CCDC194: variants seen among roughly 807,000 people sequenced by gnomAD.
CCDC194 encodes coiled-coil domain-containing protein 194.
CCDC194 carries 8 observed loss-of-function variants against 4.9 expected under a neutral mutation model. The ratio of observed to expected loss-of-function variants is 1.65; its 90% CI spans 0.97 to 2.97. The LOEUF is 2.97. Ranked by LOEUF, CCDC194 falls within the 30% of genes most tolerant of loss-of-function variation. The probability of loss-of-function intolerance (pLI) is 0.00; values close to 1 mark genes in which losing one functional copy is unlikely to be tolerated. For missense variants in CCDC194, 52 were observed against 43.1 expected (o/e 1.21, Z -0.58); for synonymous variants, 13 against 17.0 (o/e 0.76, Z 0.58).
chr19:17,389,762 C>T (rs1253598345), downstream of CCDC194, among the ~76,000 whole-genome samples: 1 of 152,116 alleles, frequency 6.6e-6, no homozygotes, highest in African/African-American at 2.4e-5. Context: ...CTCAGGAGTT[C>T]GAGACCAGCC....
rs908484352 is a variant in CCDC194 at position 17,390,549 on chromosome 19, G to A, written c.665C>T (p.Ser222Phe). 2.5e-6 allele frequency: 1 copy of A among 396,604 alleles called. No individual in the cohort carries two copies. Among genetic ancestry groups the A allele is most frequent in the African/African-American group, 2.1e-5 (1 of 48,446 alleles). 24.6% of individuals were successfully genotyped at this position (396,604 alleles called of 1,614,324 possible). ...CCGCGCCGGCCGCCGGCAGCCCCCGGAGGGTCCGGAGCGAGAGCGCGAGCG... is the reference window on the plus strand; with the variant it reads ...CCGCGCCGGCCGCCGGCAGCCCCCGAAGGGTCCGGAGCGAGAGCGCGAGCG... Residue 222 changes from serine to phenylalanine, a missense_variant, in exon 4 of 4, where the codon TCC becomes TTC. Physicochemically the swap from Ser to Phe is radical, Grantham distance 155. Coordinates refer to ENST00000636079, the Ensembl canonical transcript of CCDC194. This position sits in a 1 kb window ranked among gnomAD's most constrained non-coding sequence, Gnocchi z 5.5.
rs2074650411 is a variant in CCDC194, at chr19:17,390,556, C to CGGAGCG, written c.652_657dup (p.Arg218_Ser219dup). On this transcript the variant is annotated inframe_insertion, in exon 4 of 4. Coordinates refer to ENST00000636079, the Ensembl canonical transcript of CCDC194. This position sits in a 1 kb window ranked among gnomAD's most constrained non-coding sequence, Gnocchi z 5.5. ...GGCCGCCGGCAGCCCCCGGAGGGTC[C>CGGAGCG]GGAGCGAGAGCGCGAGCGAGGGCTG... 1.0e-5 allele frequency: 4 copies of CGGAGCG among 396,968 alleles called. No individual in the cohort carries two copies. In the South Asian group the frequency reaches 3.8e-4, roughly 38 times the overall value. 24.6% of individuals were successfully genotyped at this position (396,968 alleles called of 1,614,324 possible).
rs1292723021 is a variant in CCDC194 at position 17,391,247 on chromosome 19, G to A, written c.518C>T (p.Ala173Val). The change falls in exon 3 of 4, where the codon GCC (alanine) becomes GTC (valine). Residue 173 changes from alanine (A) to valine (V), a missense_variant. Coordinates refer to ENST00000636079, the Ensembl canonical transcript of CCDC194. ...CAGCGCCGCCTCCCGGGCCGCACAGGCTTCGCCCTCGGCCTCCGCCACGCC... is the reference window on the plus strand; with the variant it reads ...CAGCGCCGCCTCCCGGGCCGCACAGACTTCGCCCTCGGCCTCCGCCACGCC... The A allele has an allele frequency of 1.7e-5, 7 of 405,968 alleles. No individual in the cohort carries two copies. The East Asian group carries it at 2.1e-4, about 12-fold the overall frequency. The allele number at this position is 405,968 out of a possible 1,614,324, so 25.1% of individuals were successfully genotyped here.
At chr19:17,393,948 G>A in exon 1 of CCDC194, 1 of 396,350 alleles carries the variant, frequency 2.5e-6, no homozygotes, top group Non-Finnish European at 4.5e-6. Flanking sequence ...GCCAGCCGGC[G>A]CCGCAGGTCG....
chr19:17,394,135 G>A, exon 1 of CCDC194: 2 of 392,260 alleles, frequency 5.1e-6, no homozygotes, highest in East Asian at 3.6e-5. Context: ...AGGCACGCCC[G>A]GGCTCCGGCC....
At chr19:17,392,244 AG>A (rs2074657457) in intron 1 of CCDC194, 3 of 157,208 alleles carry the variant, frequency 1.9e-5, no homozygotes, top group African/African-American at 7.2e-5. Flanking sequence ...AGACCGAGGC[AG>A]GCGGATCACT....
intron 2 of CCDC194, 95 bp downstream of exon 2, chr19:17,391,655 G>A: frequency 6.5e-7 from 1 of 1,533,664 alleles, no homozygotes; most frequent in Non-Finnish European, 8.7e-7. Flanking sequence ...CGTGTTATTT[G>A]CATTACGTTT....
At chr19:17,391,233 C>T (rs1411613311) in exon 3 of CCDC194, 4 of 401,460 alleles carry the variant, frequency 1.0e-5, no homozygotes, top group East Asian at 7.1e-5. Context: ...AGCGCCGCCT[C>T]CCGGGCCGCA....
intron 1 of CCDC194, 187 bp from the exon 2 acceptor site, chr19:17,392,033 GT>G (rs2074656639): frequency 1.9e-6 from 1 of 530,800 alleles, no homozygotes; most frequent in South Asian, 3.2e-5. Context: ...GCACCGAGTG[GT>G]GACAGCTGCC....
chr19:17,393,760 G>C (rs2074663793), intron 1 of CCDC194, 75 bp downstream of exon 1: 2 of 391,500 alleles, frequency 5.1e-6, no homozygotes, highest in South Asian at 2.8e-4. Context: ...AGGGAACCCT[G>C]GAGTTGTGTG....
At chr19:17,388,192 C>T (rs1285040240), downstream of CCDC194, among the ~76,000 whole-genome samples, 3 of 102,420 alleles carry the variant, frequency 2.9e-5, no homozygotes, top group African/African-American at 1.1e-4. Context: ...CTCTTTTTTT[C>T]CTTTTTTTTT....
At chr19:17,394,120 C>G (rs2074665541) in exon 1 of CCDC194, 2 of 393,134 alleles carry the variant, frequency 5.1e-6, no homozygotes, top group Admixed American at 8.9e-5. Context: ...GGGCGAGCAC[C>G]CGCCAGGCAC....
chr19:17,392,006 G>A, intron 1 of CCDC194, 160 bp from the exon 2 acceptor site: 1 of 655,902 alleles, frequency 1.5e-6, no homozygotes, highest in Non-Finnish European at 2.4e-6. Flanking sequence ...ATACAGAAGT[G>A]GCTTCTGAAG....
At chr19:17,393,756 C>G (rs1266252624) in intron 1 of CCDC194, 79 bp downstream of exon 1, 1 of 391,350 alleles carries the variant, frequency 2.6e-6, no homozygotes, top group Non-Finnish European at 4.5e-6. Flanking sequence ...AGGGAGGGAA[C>G]CCTGGAGTTG....
chr19:17,391,401 A>ACCCCC, intron 2 of CCDC194, 58 bp from the exon 3 acceptor site: 1 of 420,988 alleles, frequency 2.4e-6, no homozygotes, highest in Non-Finnish European at 4.2e-6. Flanking sequence ...CGCCCCACGC[A>ACCCCC]CGCCGGAATC....
Position 17,390,699 on chromosome 19 carries a change from C to T in CCDC194, c.555-40G>A, listed in dbSNP as rs143765797. 6.8e-3 allele frequency: 2,687 copies of T among 396,910 alleles called. 16 individuals carry two copies. Among genetic ancestry groups the T allele is most frequent in the Non-Finnish European group, 0.01 (2,298 of 224,908 alleles). 24.6% of individuals were successfully genotyped at this position (396,910 alleles called of 1,614,324 possible). A position where few individuals can be genotyped will look rare whatever the true frequency, so the allele number is the denominator to read the frequency against. ...GAAGGGGGCTGTCAGCCTCTGGACCCCTGTCCCCAGACATCGCCAGCCCTC... is the reference window on the plus strand; with the variant it reads ...GAAGGGGGCTGTCAGCCTCTGGACCTCTGTCCCCAGACATCGCCAGCCCTC... On this transcript the variant is annotated intron_variant, in intron 3 of 3. Transcript: ENST00000636079. This position sits in a 1 kb window ranked among gnomAD's most constrained non-coding sequence, Gnocchi z 5.5.
chr19:17,392,101 A>T, intron 1 of CCDC194: 1 of 388,790 alleles, frequency 2.6e-6, no homozygotes, highest in South Asian at 5.2e-5. Context: ...GCCACCAGAA[A>T]GTGGAGAGTG....
chr19:17,394,155 C>T, exon 1 of CCDC194: 1 of 391,842 alleles, frequency 2.6e-6, no homozygotes, highest in Non-Finnish European at 4.5e-6. Context: ...CCCGGCTCGG[C>T]CATGCCGCGG....
chr19:17,391,306 A>G (rs2074653805), exon 3 of CCDC194: 2 of 424,898 alleles, frequency 4.7e-6, no homozygotes, highest in South Asian at 7.1e-5. Context: ...GCCGCCGCGT[A>G]GACTCCGTGG....
Sources: allele counts gnomAD v4.1 joint callset (sites outside exome capture counted in the v4.1 genomes callset), GRCh38; gene constraint gnomAD v4.1.1; non-coding constraint Gnocchi (gnomAD v3.1); transcripts MANE v1.5; gene names NCBI Gene and HGNC (gene_info 2026-07-23, HGNC 2026-07-21).